DNMT3B: variants seen among roughly 807,000 people sequenced by gnomAD.
DNMT3B encodes DNA methyltransferase 3 beta.
DNMT3B carries 37 observed loss-of-function variants against 120.2 expected under a neutral mutation model. The ratio of observed to expected loss-of-function variants is 0.31; its 90% CI spans 0.24 to 0.40. The LOEUF (loss-of-function observed/expected upper bound fraction) is 0.40. DNMT3B is among the 10% of genes least tolerant of loss of function. The probability of loss-of-function intolerance (pLI) is 1.00; values close to 1 mark genes in which losing one functional copy is unlikely to be tolerated. For missense variants in DNMT3B, 878 were observed against 1,137.3 expected (o/e 0.77, Z 3.28); for synonymous variants, 412 against 442.8 (o/e 0.93, Z 0.87).
chr20:32,801,140 C>A, intron 18 of DNMT3B, 138 bp from the exon 19 acceptor site: 1 of 1,337,184 alleles, frequency 7.5e-7, no homozygotes, highest in Non-Finnish European at 1.1e-6. Context: ...TCCCTGCTGT[C>A]ATTCAGGTGG....
chr20:32,789,168 C>A (rs1244255328), intron 7 of DNMT3B, among the ~76,000 whole-genome samples, 156 bp downstream of exon 7: 1 of 152,366 alleles, frequency 6.6e-6, no homozygotes, highest in African/African-American at 2.4e-5. Flanking sequence ...TGTTAACCAG[C>A]TACAGCAGAT....
chr20:32,799,719 C>T (rs1855350), intron 16 of DNMT3B, among the ~76,000 whole-genome samples: 92,601 of 151,996 alleles, frequency 0.61, 31,531 homozygotes, highest in East Asian at 0.99. Context: ...GGTTTCTCCA[C>T]GTTGGTCAGG....
intron 10 of DNMT3B, among the ~76,000 whole-genome samples, chr20:32,794,328 C>T (rs1980347588): frequency 8.5e-6 from 1 of 117,390 alleles, no homozygotes. Flanking sequence ...GGGTGACACA[C>T]TGAGAACCTG....
chr20:32,800,418 C>A, intron 17 of DNMT3B, 120 bp downstream of exon 17: 1 of 1,428,640 alleles, frequency 7.0e-7, no homozygotes, highest in East Asian at 2.4e-5. Flanking sequence ...GATTGAAATC[C>A]TGTGGGAATC....
At position 32,808,668 on chromosome 20, in the gene DNMT3B, G is replaced by A. The variant is rs1172170021; in HGVS notation, c.*765G>A. The A allele has an allele frequency of 1.3e-5, 3 of 230,060 alleles. No homozygotes were observed. Among genetic ancestry groups the A allele is most frequent in the Non-Finnish European group, 2.6e-5 (3 of 116,034 alleles). The allele number at this position is 230,060 out of a possible 1,614,324, so 14.3% of individuals were successfully genotyped here. ...TAGAACCCTCTGGGGAGCTCAGGAA[G>A]GGGTGTGCTGAGTTCTATAATATAA... On this transcript the variant is annotated 3_prime_UTR_variant, in exon 23 of 23. Transcript: ENST00000328111.
At chr20:32,796,682 G>A in intron 12 of DNMT3B, 108 bp from the exon 13 acceptor site, 1 of 1,234,560 alleles carries the variant, frequency 8.1e-7, no homozygotes, top group Non-Finnish European at 1.2e-6. Flanking sequence ...AGAGTCCTTG[G>A]CAAGCTGCTG....
chr20:32,778,644 T>C (rs1480473134), intron 1 of DNMT3B, among the ~76,000 whole-genome samples: 1 of 152,192 alleles, frequency 6.6e-6, no homozygotes, highest in Non-Finnish European at 1.5e-5. Context: ...TGCCCCCTGG[T>C]GGGCGATGCC....
At chr20:32,772,116 C>G (rs1415260091) in intron 1 of DNMT3B, among the ~76,000 whole-genome samples, 1 of 152,218 alleles carries the variant, frequency 6.6e-6, no homozygotes, top group Non-Finnish European at 1.5e-5. Flanking sequence ...TCAACCAGTC[C>G]TCTTGACCGT....
chr20:32,786,233 G>A (rs1280308578), intron 4 of DNMT3B, among the ~76,000 whole-genome samples: 1 of 152,210 alleles, frequency 6.6e-6, no homozygotes, highest in African/African-American at 2.4e-5. Flanking sequence ...ATTTCAGCTG[G>A]CCATGTCTGT....
chr20:32,808,002 G>A lies in DNMT3B; in HGVS notation c.*99G>A. On this transcript the variant is annotated 3_prime_UTR_variant, in exon 23 of 23. Transcript: ENST00000328111. ...CCCCAGGCCCTGCTCTTCCTCAGCT[G>A]TGTGGGTCATACCGTGTACCTCAGT... 1 of 1,598,976 alleles carries A rather than the reference G, an allele frequency of 6.3e-7. No individual in the cohort carries two copies. The highest frequency in any genetic ancestry group is 1.3e-5 in the African/African-American group (1 of 74,682).
chr20:32,784,836 A>C lies in DNMT3B; in HGVS notation c.283A>C (p.Arg95=). Residue 95 remains arginine, a synonymous_variant, in exon 4 of 23, where the codon AGG becomes CGG. Transcript: ENST00000328111. ...CATGCCAAAGCTCTTCCGGGAAACC[A>C]GGACTCGTTCAGAAAGCCCAGCTGT... is the stretch of plus-strand genomic sequence containing the variant. ...PVMPKLFRET[R]TRSESPAVRT... is the part of the protein sequence containing the mutation. The C allele has an allele frequency of 6.2e-7, 1 of 1,614,170 alleles. No individual in the cohort carries two copies. The highest frequency in any genetic ancestry group is 8.5e-7 in the Non-Finnish European group (1 of 1,180,030).
chr20:32,795,641 T>C lies in DNMT3B; in HGVS notation c.1253-9T>C. 1 of 1,614,190 alleles carries C rather than the reference T, an allele frequency of 6.2e-7. No homozygotes were observed. Among genetic ancestry groups the C allele is most frequent in the African/African-American group, 1.3e-5 (1 of 75,050 alleles). ...GACCTCATCTCATGCCTTCTTCTTT[T>C]CTCAATAGAACAAATGGCTTCAGAT... is the stretch of plus-strand genomic sequence containing the variant. On this transcript the variant is annotated splice_polypyrimidine_tract_variant and intron_variant, in intron 11 of 22. Coordinates refer to ENST00000328111, the MANE Select transcript of DNMT3B (RefSeq NM_006892.4).
intron 3 of DNMT3B, 125 bp downstream of exon 3, chr20:32,781,539 C>T: frequency 1.0e-6 from 1 of 980,952 alleles, no homozygotes; most frequent in South Asian, 1.4e-5. Context: ...GAGCTAGATG[C>T]TTTCTGCATA....
chr20:32,782,567 A>C (rs1978753697), intron 3 of DNMT3B, among the ~76,000 whole-genome samples: 1 of 152,232 alleles, frequency 6.6e-6, no homozygotes, highest in African/African-American at 2.4e-5. Flanking sequence ...TAAACCATGG[A>C]AGGACAGATT....
In DNMT3B at chr20:32,774,508, C is replaced by CTTTTTTTTTT. The variant is rs386393640; in HGVS notation, c.-6-5797_-6-5788dup. Among the ~76,000 whole-genome samples the CTTTTTTTTTT allele has an allele frequency of 2.0e-5, 2 of 98,512 alleles. 1 individual carries two copies. The highest frequency in any genetic ancestry group is 8.0e-5 in the African/African-American group (2 of 25,074). 64.6% of individuals were successfully genotyped at this position (98,512 alleles called of 152,430 possible). On this transcript the variant is annotated intron_variant, in intron 1 of 22. Coordinates refer to ENST00000328111, the MANE Select transcript of DNMT3B (RefSeq NM_006892.4). ...ACAGACCTGAGCCACCGCGCCTGGC[C>CTTTTTTTTTT]TTTTTTTTTTTTTTTTTTTTTTAGA...
intron 1 of DNMT3B, 170 bp from the exon 2 acceptor site, chr20:32,780,148 G>T (rs1436236969): frequency 6.2e-7 from 1 of 1,613,858 alleles, no homozygotes; most frequent in Non-Finnish European, 8.5e-7. Flanking sequence ...CAAGCTTGGT[G>T]AGGGGGAGGC....
intron 4 of DNMT3B, among the ~76,000 whole-genome samples, chr20:32,785,880 T>TTCTG (rs1305560440): frequency 7.4e-6 from 1 of 134,674 alleles, no homozygotes; most frequent in Non-Finnish European, 1.5e-5. Context: ...CTTTCTTTCT[T>TTCTG]TCTTTTTTTT....
At chr20:32,794,146 C>T (rs756651058) in intron 10 of DNMT3B, among the ~76,000 whole-genome samples, 115 of 151,830 alleles carry the variant, frequency 7.6e-4, no homozygotes, top group Middle Eastern at 3.2e-3. Flanking sequence ...ATTGCTTGAG[C>T]TCAGGAGTTC....
chr20:32,787,077 G>A (rs753508226), intron 5 of DNMT3B, among the ~76,000 whole-genome samples, 153 bp from the exon 6 acceptor site: 4 of 152,186 alleles, frequency 2.6e-5, no homozygotes, highest in African/African-American at 7.2e-5. Context: ...TAAGGGATAC[G>A]TGTTCCTGGA....
Sources: gnomAD v4.1 joint callset for allele counts (sites outside exome capture counted in the v4.1 genomes callset) on GRCh38, gnomAD v4.1.1 for gene constraint, MANE v1.5 for transcripts, NCBI Gene and HGNC (gene_info 2026-07-23, HGNC 2026-07-21) for gene names.